The following NRTN variants were observed in gnomAD, a reference collection of about 807,000 sequenced individuals.
The protein encoded by NRTN is prepro-neurturin.
Under a neutral mutation model 7.5 loss-of-function variants are expected in NRTN, and 3 were observed. That is an observed-to-expected ratio of 0.40 (90% CI 0.18 to 1.03). The LOEUF (loss-of-function observed/expected upper bound fraction) is 1.03, where lower values mean the gene tolerates loss of function less well. Among genes scored for constraint, NRTN ranks in the 50% least tolerant of loss-of-function variants. NRTN has a pLI of 0.34. For synonymous variants in NRTN, 157 were observed against 146.6 expected, an observed-to-expected ratio of 1.07 and a Z score of -0.51; for missense variants, 310 against 307.0, an observed-to-expected ratio of 1.01 and a Z score of -0.07.
At chr19:5,823,604 G>A (rs959338211) in intron 1 of NRTN, among the ~76,000 whole-genome samples, 164 bp from the exon 2 acceptor site, 2 of 152,162 alleles carry the variant, frequency 1.3e-5, no homozygotes, top group Non-Finnish European at 2.9e-5. Context: ...CAGGCTCAGA[G>A]AGGGGCAGAG....
In NRTN at chr19:5,824,094, G is replaced by C. The variant is rs1319982448; in HGVS notation, c.-72G>C. On this transcript the variant is annotated 5_prime_UTR_variant, in exon 2 of 3. Coordinates refer to ENST00000303212, the MANE Select transcript of NRTN (RefSeq NM_004558.5). ...GCCCCACACTGAGTCCTGGCCCAGC[G>C]CCCTGTGCCCGTTGGCTGCTGGAGG... 8.2e-6 allele frequency: 13 copies of C among 1,583,052 alleles called. No homozygotes were observed. The South Asian group carries it at 1.3e-4, about 16-fold the overall frequency.
intron 1 of NRTN, among the ~76,000 whole-genome samples, chr19:5,811,842 C>A (rs1248668414): frequency 6.7e-6 from 1 of 149,856 alleles, no homozygotes; most frequent in Non-Finnish European, 1.5e-5. Context: ...TGAGCCACCG[C>A]ACCCGGCCCA....
At position 5,828,249 on chromosome 19, in the gene NRTN, G is replaced by A; in HGVS notation, c.*76G>A. ...CCACTGGCCGGCCCCGCGAAAGACT[G>A]CGCGTGCGTAGAGCACGCCGGCGCG... On this transcript the variant is annotated 3_prime_UTR_variant, in exon 3 of 3. Coordinates refer to ENST00000303212, the MANE Select transcript of NRTN (RefSeq NM_004558.5). 1 of 1,468,384 alleles carries A rather than the reference G, an allele frequency of 6.8e-7. No individual in the cohort carries two copies. The highest frequency in any genetic ancestry group is 9.1e-7 in the Non-Finnish European group (1 of 1,100,124). 91.0% of individuals were successfully genotyped at this position (1,468,384 alleles called of 1,614,324 possible).
chr19:5,819,865 A>C (rs1299092072), intron 1 of NRTN, among the ~76,000 whole-genome samples: 2 of 151,654 alleles, frequency 1.3e-5, no homozygotes, highest in Non-Finnish European at 2.9e-5. Flanking sequence ...AGAAAAAAAA[A>C]AGTGGGGGTA....
chr19:5,823,963 C>G lies in NRTN; in HGVS notation c.-203C>G. The G allele has an allele frequency of 1.4e-6, 1 of 693,084 alleles. No individual in the cohort carries two copies. The highest frequency in any genetic ancestry group is 2.5e-6 in the Non-Finnish European group (1 of 406,050). The allele number at this position is 693,084 out of a possible 1,614,324, so 42.9% of individuals were successfully genotyped here. ...CCGGGACCCCCAGATGGGGGCGGTTCCCTGTGACTCCTGGCACGGAGGCCA... is the reference window on the plus strand; with the variant it reads ...CCGGGACCCCCAGATGGGGGCGGTTGCCTGTGACTCCTGGCACGGAGGCCA... On this transcript the variant is annotated 5_prime_UTR_variant, in exon 2 of 3. Coordinates refer to ENST00000303212, the MANE Select transcript of NRTN (RefSeq NM_004558.5).
chr19:5,815,220 T>G (rs529776524), intron 1 of NRTN, among the ~76,000 whole-genome samples: 4 of 152,248 alleles, frequency 2.6e-5, no homozygotes, highest in African/African-American at 9.6e-5. Context: ...CAATGGATGC[T>G]CTTGTGTGTG....
At chr19:5,817,516 GGA>G (rs369204830) in intron 1 of NRTN, among the ~76,000 whole-genome samples, 44 of 134,752 alleles carry the variant, frequency 3.3e-4, no homozygotes, top group Admixed American at 1.1e-3. Context: ...AGGGAGGGAG[GGA>G]GAGAGAGAGG....
At chr19:5,822,247 C>T (rs909032675) in intron 1 of NRTN, among the ~76,000 whole-genome samples, 1 of 64,440 alleles carries the variant, frequency 1.6e-5, no homozygotes, top group South Asian at 5.9e-4. Flanking sequence ...TGCAGGGCAG[C>T]GTGCAAGGCT....
intron 1 of NRTN, among the ~76,000 whole-genome samples, chr19:5,821,294 CTTTTTTTTTTTTTTT>C (rs33932385): frequency 4.1e-5 from 2 of 49,130 alleles, no homozygotes; most frequent in Non-Finnish European, 6.9e-5. Flanking sequence ...CAGTGCCTAG[CTTTTTTTTTTTTTTT>C]TTTTTTTTTT....
In NRTN at chr19:5,824,006, T is replaced by C. The variant is rs73554359; in HGVS notation, c.-160T>C. 10,777 of 968,062 alleles carry C rather than the reference T, an allele frequency of 0.011. 761 individuals are homozygous for C. The African/African-American group carries it at 0.15, about 14-fold the overall frequency. The allele number at this position is 968,062 out of a possible 1,614,324, so 60.0% of individuals were successfully genotyped here. A position where few individuals can be genotyped will look rare whatever the true frequency, so the allele number is the denominator to read the frequency against. ...GGAGGCCAACCCCTTCCTTGTTCAATGGTTCCTTGAGGGACCATTCCCATG... is the reference window on the plus strand; with the variant it reads ...GGAGGCCAACCCCTTCCTTGTTCAACGGTTCCTTGAGGGACCATTCCCATG... On this transcript the variant is annotated 5_prime_UTR_variant, in exon 2 of 3. An upstream start codon of the reference 5' UTR is lost. Transcript: ENST00000303212.
intron 1 of NRTN, among the ~76,000 whole-genome samples, chr19:5,810,218 G>C (rs1235900360): frequency 2.1e-5 from 3 of 146,248 alleles, no homozygotes; most frequent in African/African-American, 7.7e-5. Context: ...AGTGAGCCGA[G>C]ATCGCGCCAC....
At chr19:5,824,421 T>G in intron 2 of NRTN, 87 bp downstream of exon 2, 1 of 1,493,754 alleles carries the variant, frequency 6.7e-7, no homozygotes, top group Non-Finnish European at 9.0e-7. Flanking sequence ...TGGGGGGGTG[T>G]CATAGGTTTT....
chr19:5,825,617 G>C (rs2144768587), intron 2 of NRTN, among the ~76,000 whole-genome samples: 1 of 152,360 alleles, frequency 6.6e-6, no homozygotes, highest in African/African-American at 2.4e-5. Context: ...AGGACTTGGG[G>C]TGCGGGGGGC....
Position 5,828,090 on chromosome 19 carries a change from G to C in NRTN, c.511G>C (p.Glu171Gln). Residue 171 changes from glutamate (E) to glutamine (Q), a missense_variant, in exon 3 of 3, where the codon GAG (glutamate) becomes CAG (glutamine). By Grantham distance (29) the Glu-to-Gln change is conservative. Transcript: ENST00000303212. ...AQPCCRPTAY[E>Q]DEVSFLDAHS... Reference sequence around the variant, plus strand: ...GCCCTGCTGCCGCCCGACGGCCTACGAGGACGAGGTGTCCTTCCTGGACGC... The same window carrying C: ...GCCCTGCTGCCGCCCGACGGCCTACCAGGACGAGGTGTCCTTCCTGGACGC... The C allele has an allele frequency of 6.7e-7, 1 of 1,492,252 alleles. No homozygotes were observed. The highest frequency in any genetic ancestry group is 8.9e-7 in the Non-Finnish European group (1 of 1,128,428). 92.4% of individuals were successfully genotyped at this position (1,492,252 alleles called of 1,614,324 possible).
intron 2 of NRTN, among the ~76,000 whole-genome samples, chr19:5,825,848 A>T (rs1226640697): frequency 1.3e-5 from 2 of 152,146 alleles, no homozygotes; most frequent in Non-Finnish European, 2.9e-5. Context: ...AAGATGATTC[A>T]TTGTTGCCAG....
At chr19:5,805,804 C>T (rs1319655219) in intron 1 of NRTN, among the ~76,000 whole-genome samples, 3 of 152,094 alleles carry the variant, frequency 2.0e-5, no homozygotes, top group African/African-American at 4.8e-5. Flanking sequence ...AGGGCGAGAC[C>T]CAGACAGCCC....
chr19:5,826,134 CAAA>C (rs368989978), intron 2 of NRTN, among the ~76,000 whole-genome samples: 2 of 130,004 alleles, frequency 1.5e-5, no homozygotes, highest in East Asian at 2.1e-4. Context: ...GACTCCGTCT[CAAA>C]AAAAAAAAAA....
In NRTN at chr19:5,805,216, G is replaced by A. The variant is rs1327598871; in HGVS notation, c.-634G>A. On this transcript the variant is annotated 5_prime_UTR_variant, in exon 1 of 3. Transcript: ENST00000303212. ...CCCTCTGAGCCGCCGGCCGTCCAGGGCACCCACCCCCAGCCCCAGCCCCCG... is the reference window on the plus strand; with the variant it reads ...CCCTCTGAGCCGCCGGCCGTCCAGGACACCCACCCCCAGCCCCAGCCCCCG... Among the ~76,000 whole-genome samples the A allele has an allele frequency of 6.8e-6, 1 of 146,350 alleles. No homozygotes were observed. Among genetic ancestry groups the A allele is most frequent in the African/African-American group, 2.4e-5 (1 of 40,836 alleles).
chr19:5,818,744 G>A (rs1292543662), intron 1 of NRTN, among the ~76,000 whole-genome samples: 2 of 151,012 alleles, frequency 1.3e-5, no homozygotes, highest in African/African-American at 4.9e-5. Context: ...CCCCCTCCCC[G>A]TGCCCTCCGC....
Sources: gnomAD v4.1 joint callset for allele counts (sites outside exome capture counted in the v4.1 genomes callset) on GRCh38, gnomAD v4.1.1 for gene constraint, MANE v1.5 for transcripts, NCBI Gene and HGNC (gene_info 2026-07-23, HGNC 2026-07-21) for gene names.